The following DCC variants were observed in gnomAD, a reference collection of about 807,000 sequenced individuals.
DCC encodes netrin receptor DCC.
A neutral mutation model predicts 172.5 loss-of-function variants in DCC; 58 were observed. The observed-to-expected ratio is 0.34, with a 90% CI of 0.27 to 0.42. The LOEUF (loss-of-function observed/expected upper bound fraction) is 0.42. DCC is among the 10% of genes least tolerant of loss of function. The pLI is 1.00. For synonymous variants in DCC, 709 were observed against 644.5 expected (o/e 1.10, Z -1.52); for missense variants, 1,740 against 1,791.0 (o/e 0.97, Z 0.51).
intron 15 of DCC, among the ~76,000 whole-genome samples, chr18:53,357,422 A>C (rs2057889635): frequency 6.6e-6 from 1 of 152,174 alleles, no homozygotes. Context: ...CCCTTCATGC[A>C]TGGAATACAG....
chr18:52,402,447 T>C (rs1012097742), intron 1 of DCC, among the ~76,000 whole-genome samples: 5 of 151,964 alleles, frequency 3.3e-5, no homozygotes, highest in Non-Finnish European at 7.4e-5. Context: ...TCATCTTCCT[T>C]TCTATTTTCT....
intron 1 of DCC, among the ~76,000 whole-genome samples, chr18:52,508,897 C>A (rs1168131942): frequency 2.6e-5 from 4 of 152,336 alleles, no homozygotes; most frequent in African/African-American, 4.8e-5. Flanking sequence ...AGCAGAGATG[C>A]AGCCTAGATT....
At chr18:52,554,824 G>T (rs1366927781) in intron 1 of DCC, among the ~76,000 whole-genome samples, 15 of 151,978 alleles carry the variant, frequency 9.9e-5, no homozygotes, top group Admixed American at 9.9e-4. Context: ...ATGTGTATAA[G>T]ATCTGAAAAG....
chr18:53,169,314 A>C (rs189386936), intron 8 of DCC, among the ~76,000 whole-genome samples: 3 of 152,362 alleles, frequency 2.0e-5, no homozygotes, highest in Middle Eastern at 3.4e-3. Flanking sequence ...ATTCACAAAA[A>C]ATTAACGCTT....
At chr18:53,464,135 A>G (rs755857777) in intron 24 of DCC, among the ~76,000 whole-genome samples, 9 of 152,218 alleles carry the variant, frequency 5.9e-5, no homozygotes, top group Non-Finnish European at 1.2e-4. Context: ...AAAAGTTTAC[A>G]ATAAAGAAAC....
At chr18:53,254,869 T>A (rs1323130135) in intron 12 of DCC, among the ~76,000 whole-genome samples, 1 of 152,076 alleles carries the variant, frequency 6.6e-6, no homozygotes, top group African/African-American at 2.4e-5. Context: ...CATAGTAATA[T>A]TGTTGCAATA....
chr18:53,385,219 A>G (rs1908078549), intron 15 of DCC, among the ~76,000 whole-genome samples: 1 of 152,146 alleles, frequency 6.6e-6, no homozygotes, highest in Non-Finnish European at 1.5e-5. Context: ...TACAGGTTAC[A>G]AGTAGAATCT....
intron 1 of DCC, among the ~76,000 whole-genome samples, chr18:52,655,986 G>GTGTGTA (rs1491255176): frequency 3.7e-5 from 5 of 136,272 alleles, no homozygotes; most frequent in African/African-American, 1.4e-4. Context: ...GTGTGTGTGT[G>GTGTGTA]TATATATATA....
chr18:52,460,708 G>A (rs1388981952), intron 1 of DCC, among the ~76,000 whole-genome samples: 2 of 151,982 alleles, frequency 1.3e-5, no homozygotes, highest in Non-Finnish European at 2.9e-5. Flanking sequence ...GAATACTACA[G>A]GCAATTGCAA....
At chr18:53,401,048 A>G (rs1281780627) in intron 18 of DCC, among the ~76,000 whole-genome samples, 1 of 152,200 alleles carries the variant, frequency 6.6e-6, no homozygotes, top group Non-Finnish European at 1.5e-5. Context: ...TCCTATTCAT[A>G]GCCGGGAAAA....
At chr18:52,804,263 A>C (rs2038047132) in intron 2 of DCC, among the ~76,000 whole-genome samples, 1 of 129,286 alleles carries the variant, frequency 7.7e-6, no homozygotes, top group African/African-American at 2.7e-5. Flanking sequence ...AGTTCTCATG[A>C]TTTCTTTTTA....
At chr18:52,690,942 T>C (rs1434116687) in intron 1 of DCC, among the ~76,000 whole-genome samples, 1 of 152,076 alleles carries the variant, frequency 6.6e-6, no homozygotes, top group Non-Finnish European at 1.5e-5. Context: ...CTTTGTAAGC[T>C]CTCAAACCTG....
intron 1 of DCC, among the ~76,000 whole-genome samples, chr18:52,423,149 G>T (rs909168725): frequency 6.6e-6 from 1 of 152,222 alleles, no homozygotes; most frequent in South Asian, 2.1e-4. Flanking sequence ...TAAAGCCTAT[G>T]GGAAAAGCAA....
intron 2 of DCC, among the ~76,000 whole-genome samples, chr18:52,893,613 G>A (rs116291724): frequency 0.017 from 2,619 of 152,214 alleles, 54 homozygotes; most frequent in African/African-American, 0.046. Flanking sequence ...TATGCTGGAT[G>A]TGAATTCTGT....
At chr18:52,415,123 T>C (rs1986974957) in intron 1 of DCC, among the ~76,000 whole-genome samples, 1 of 152,218 alleles carries the variant, frequency 6.6e-6, no homozygotes, top group Non-Finnish European at 1.5e-5. Flanking sequence ...GATTTAAAAA[T>C]GACATTTTTT....
chr18:53,209,192 A>G (rs2055707326), intron 11 of DCC, among the ~76,000 whole-genome samples: 1 of 152,228 alleles, frequency 6.6e-6, no homozygotes, highest in Non-Finnish European at 1.5e-5. Flanking sequence ...AAATCTTAAT[A>G]AAGAGAATAA....
At chr18:52,554,121 C>T (rs1144077) in intron 1 of DCC, among the ~76,000 whole-genome samples, 37,651 of 151,966 alleles carry the variant, frequency 0.25, 4,820 homozygotes, top group African/African-American at 0.28. Context: ...TTAGCTGTTA[C>T]TGTTATCAGG....
chr18:52,505,166 T>C (rs970653153), intron 1 of DCC, among the ~76,000 whole-genome samples: 2 of 152,126 alleles, frequency 1.3e-5, no homozygotes, highest in Non-Finnish European at 2.9e-5. Context: ...GTCGAAATTA[T>C]CAGCAAACAG....
chr18:53,269,091 CGTGTGT>C (rs140352533), intron 12 of DCC, among the ~76,000 whole-genome samples: 3 of 149,344 alleles, frequency 2.0e-5, no homozygotes, highest in African/African-American at 4.9e-5. Context: ...GATGTGTGTG[CGTGTGT>C]GTGTGTGTGT....
Sources: allele counts gnomAD v4.1 joint callset (sites outside exome capture counted in the v4.1 genomes callset), GRCh38; gene constraint gnomAD v4.1.1; transcripts MANE v1.5; gene names NCBI Gene and HGNC (gene_info 2026-07-23, HGNC 2026-07-21).